The following ROCK2 variants were observed in gnomAD, a reference collection of about 807,000 sequenced individuals.
ROCK2 encodes rho-associated protein kinase 2.
ROCK2 carries 61 observed loss-of-function variants against 195.1 expected under a neutral mutation model. The ratio of observed to expected loss-of-function variants is 0.31; its 90% CI spans 0.25 to 0.39. ROCK2 has a LOEUF of 0.39. ROCK2 is among the 10% of genes least tolerant of loss of function. The pLI, the probability that ROCK2 is intolerant of heterozygous loss-of-function variation, is 1.00. For missense variants in ROCK2, 1,109 were observed against 1,637.4 expected (o/e 0.68, Z 5.57); for synonymous variants, 504 against 545.5 (o/e 0.92, Z 1.06).
chr2:11,275,275 A>C (rs1170671162), intron 3 of ROCK2, among the ~76,000 whole-genome samples: 1 of 151,792 alleles, frequency 6.6e-6, no homozygotes, highest in Non-Finnish European at 1.5e-5. Flanking sequence ...AAAAAAAAAG[A>C]ATTATAAGAA....
chr2:11,231,240 G>A (rs1451392326), intron 5 of ROCK2, among the ~76,000 whole-genome samples: 1 of 144,734 alleles, frequency 6.9e-6, no homozygotes, highest in Non-Finnish European at 1.5e-5. Context: ...GTCTCGCTTT[G>A]TCACCCAGGC....
In ROCK2 at chr2:11,344,584, T is replaced by A; in HGVS notation, c.-448A>T. The stretch of plus-strand genomic sequence containing the variant: ...CTGCCATGGTCGCCGCCGGCCGCCT[T>A]GCAGTCCCTCAGCCAGCTCCCGGCG... On this transcript the variant is annotated 5_prime_UTR_variant, in exon 1 of 33. Transcript: ENST00000315872. This position sits in a 1 kb window ranked among gnomAD's most constrained non-coding sequence, Gnocchi z 5.4. 6 of 715,952 alleles carry A rather than the reference T, an allele frequency of 8.4e-6. No homozygotes were observed. Among genetic ancestry groups the A allele is most frequent in the Non-Finnish European group, 1.0e-5 (6 of 589,812 alleles). 44.3% of individuals were successfully genotyped at this position (715,952 alleles called of 1,614,324 possible). A position where few individuals can be genotyped will look rare whatever the true frequency, so the allele number is the denominator to read the frequency against.
At chr2:11,185,537 T>TG (rs1281651163) in intron 32 of ROCK2, among the ~76,000 whole-genome samples, 1 of 152,210 alleles carries the variant, frequency 6.6e-6, no homozygotes, top group Non-Finnish European at 1.5e-5. Context: ...AAGACCAGCC[T>TG]GGCCAACATG....
At chr2:11,301,224 T>A (rs902469498) in intron 1 of ROCK2, among the ~76,000 whole-genome samples, 5 of 152,178 alleles carry the variant, frequency 3.3e-5, no homozygotes, top group Admixed American at 2.6e-4. Flanking sequence ...CATGTTTTAA[T>A]ACTATAGTCC....
chr2:11,180,974 G>A lies in ROCK2; in HGVS notation c.*2463C>T, dbSNP rs1325646879. On this transcript the variant is annotated 3_prime_UTR_variant, in exon 33 of 33. Transcript: ENST00000315872. ...CATATAATGTGAAGAATCTCCATGG[G>A]AGAGATTTTTTTTTCACCCTTCAGA... 1 of 151,820 alleles carries A rather than the reference G, an allele frequency of 6.6e-6. No individual in the cohort carries two copies. The highest frequency in any genetic ancestry group is 2.4e-5 in the African/African-American group (1 of 41,374). 9.4% of individuals were successfully genotyped at this position (151,820 alleles called of 1,614,324 possible).
chr2:11,269,443 G>A (rs564320163), intron 3 of ROCK2, among the ~76,000 whole-genome samples: 20 of 151,984 alleles, frequency 1.3e-4, no homozygotes, highest in African/African-American at 4.6e-4. Flanking sequence ...ACCGGGAGGT[G>A]GAGGTTGCAG....
intron 3 of ROCK2, among the ~76,000 whole-genome samples, chr2:11,274,209 G>T (rs1483965490): frequency 6.6e-6 from 1 of 151,554 alleles, no homozygotes; most frequent in Non-Finnish European, 1.5e-5. Flanking sequence ...ACTAGAAAGA[G>T]AAAAACAAAC....
At chr2:11,336,104 T>A (rs1361225487) in intron 1 of ROCK2, among the ~76,000 whole-genome samples, 13 of 152,248 alleles carry the variant, frequency 8.5e-5, no homozygotes, top group Admixed American at 8.5e-4. Context: ...TACCCTTCTA[T>A]GCTCCCTAAA....
intron 27 of ROCK2, 125 bp from the exon 28 acceptor site, chr2:11,195,150 TA>T: frequency 1.9e-6 from 1 of 525,560 alleles, no homozygotes; most frequent in Non-Finnish European, 3.3e-6. Flanking sequence ...TTTATCACTA[TA>T]CATCATCTAG....
chr2:11,313,706 A>G (rs1424149466), intron 1 of ROCK2, among the ~76,000 whole-genome samples: 2 of 151,866 alleles, frequency 1.3e-5, no homozygotes, highest in African/African-American at 4.8e-5. Flanking sequence ...TTGTTTTCAT[A>G]TCTATTATGT....
chr2:11,301,148 A>G (rs1667689828), intron 1 of ROCK2, among the ~76,000 whole-genome samples: 1 of 152,306 alleles, frequency 6.6e-6, no homozygotes, highest in East Asian at 1.9e-4. Context: ...AGTAATATTT[A>G]TAACAATCTT....
intron 3 of ROCK2, among the ~76,000 whole-genome samples, chr2:11,278,759 C>G (rs1279738672): frequency 2.0e-5 from 3 of 152,042 alleles, no homozygotes; most frequent in Non-Finnish European, 2.9e-5. Flanking sequence ...ATTACAGGTG[C>G]CTGCCGCCAC....
At chr2:11,202,736 T>C (rs968201833) in intron 20 of ROCK2, among the ~76,000 whole-genome samples, 3 of 152,158 alleles carry the variant, frequency 2.0e-5, no homozygotes, top group Admixed American at 1.3e-4. Flanking sequence ...GACCTTGTGA[T>C]CTGCCCACCT....
intron 1 of ROCK2, among the ~76,000 whole-genome samples, chr2:11,297,416 GAC>G (rs927836999): frequency 6.6e-6 from 1 of 151,962 alleles, no homozygotes; most frequent in African/African-American, 2.4e-5. Flanking sequence ...TATTACAGAA[GAC>G]AGTCTTAATA....
In ROCK2 at chr2:11,181,181, AATATATATAT is replaced by A. The variant is rs71393855; in HGVS notation, c.*2246_*2255del. 3.7e-4 allele frequency: 50 copies of A among 136,152 alleles called. No individual in the cohort carries two copies. The highest frequency in any genetic ancestry group is 3.8e-3 in the Middle Eastern group (1 of 260). 8.4% of individuals were successfully genotyped at this position (136,152 alleles called of 1,614,324 possible). On this transcript the variant is annotated 3_prime_UTR_variant, in exon 33 of 33. Coordinates refer to ENST00000315872, the MANE Select transcript of ROCK2 (RefSeq NM_004850.5). Reference sequence around the variant, plus strand: ...TTTCACCTTAATAAAGTTTATTAAAAATATATATATATATATATATATATATATACTCTCC... The same window carrying A: ...TTTCACCTTAATAAAGTTTATTAAAAATATATATATATATATATACTCTCC...
chr2:11,179,869 G>C lies in ROCK2; in HGVS notation c.*3568C>G, dbSNP rs961103612. On this transcript the variant is annotated 3_prime_UTR_variant, in exon 33 of 33. Transcript: ENST00000315872. ...CAACAAAATTTTAAAAAAGAAAAAG[G>C]GGTGCAATTTTTTTCAGAGAGGACA... The C allele has an allele frequency of 6.6e-6, 1 of 151,920 alleles. No homozygotes were observed. Among genetic ancestry groups the C allele is most frequent in the Admixed American group, 6.6e-5 (1 of 15,256 alleles). 9.4% of individuals were successfully genotyped at this position (151,920 alleles called of 1,614,324 possible).
At chr2:11,222,785 G>C (rs950535435) in intron 7 of ROCK2, among the ~76,000 whole-genome samples, 1 of 152,094 alleles carries the variant, frequency 6.6e-6, no homozygotes, top group Non-Finnish European at 1.5e-5. Flanking sequence ...AGGCCCTGGA[G>C]CTATGTTTAA....
chr2:11,202,229 C>T, intron 20 of ROCK2, 108 bp from the exon 21 acceptor site: 1 of 857,718 alleles, frequency 1.2e-6, no homozygotes, highest in Non-Finnish European at 2.0e-6. Context: ...GGTTCTTCCA[C>T]AGAACCCATA....
intron 1 of ROCK2, among the ~76,000 whole-genome samples, chr2:11,294,698 ATTATT>A (rs1199723035): frequency 5.3e-5 from 8 of 152,188 alleles, no homozygotes; most frequent in African/African-American, 1.7e-4. Flanking sequence ...ACATTGTTTT[ATTATT>A]TTATTTGTGT....
Sources: allele counts gnomAD v4.1 joint callset (sites outside exome capture counted in the v4.1 genomes callset), GRCh38; gene constraint gnomAD v4.1.1; non-coding constraint Gnocchi (gnomAD v3.1); transcripts MANE v1.5; gene names NCBI Gene and HGNC (gene_info 2026-07-23, HGNC 2026-07-21).